MYH15: variants seen among roughly 807,000 people sequenced by gnomAD.
The protein encoded by MYH15 is myosin heavy chain 15.
In MYH15, 227 loss-of-function variants were observed where a neutral mutation model predicts 240.5. The ratio of observed to expected loss-of-function variants is 0.94; its 90% confidence interval spans 0.85 to 1.05. The LOEUF is 1.05. MYH15 is among the 50% of genes least tolerant of loss of function. The probability of loss-of-function intolerance (pLI) is 0.00; values close to 1 mark genes in which losing one functional copy is unlikely to be tolerated. For missense variants in MYH15, 2,217 were observed against 2,247.5 expected (o/e 0.99, Z 0.27); for synonymous variants, 785 against 796.7 (o/e 0.99, Z 0.25).
intron 22 of MYH15, among the ~76,000 whole-genome samples, chr3:108,443,322 T>C (rs1163768040): frequency 1.3e-5 from 2 of 152,198 alleles, no homozygotes; most frequent in Admixed American, 1.3e-4. Context: ...CCTGTTGGCA[T>C]GCTGGTAGAT....
the MYH15 span, among the ~76,000 whole-genome samples, chr3:108,538,738 T>C: frequency 1.3e-5 from 2 of 152,190 alleles, no homozygotes; most frequent in African/African-American, 4.8e-5. Flanking sequence ...GTTTATCAAG[T>C]TGGCTGGTTG....
At chr3:108,386,397 G>A (rs1026620678) in intron 38 of MYH15, among the ~76,000 whole-genome samples, 3 of 152,128 alleles carry the variant, frequency 2.0e-5, no homozygotes, top group Non-Finnish European at 4.4e-5. Flanking sequence ...ATTCAGCTGT[G>A]AGAAGTGCAG....
intron 22 of MYH15, 26 bp from the exon 23 acceptor site, chr3:108,441,286 G>T (rs368732414): frequency 1.1e-5 from 17 of 1,611,068 alleles, no homozygotes; most frequent in African/African-American, 1.3e-5. Context: ...GAAAATTGTT[G>T]CCAACAGCTG....
At chr3:108,417,170 A>T (rs34951860) in intron 28 of MYH15, among the ~76,000 whole-genome samples, 12,554 of 152,168 alleles carry the variant, frequency 0.083, 566 homozygotes, top group Middle Eastern at 0.099. Flanking sequence ...ATAACAGATG[A>T]TATTAGTTAC....
chr3:108,465,385 C>T (rs2083106196), intron 14 of MYH15, among the ~76,000 whole-genome samples: 2 of 152,196 alleles, frequency 1.3e-5, no homozygotes, highest in Non-Finnish European at 2.9e-5. Context: ...TGACGGAACA[C>T]ATTTTAAGAG....
At chr3:108,493,621 A>C (rs1444555801) in intron 7 of MYH15, among the ~76,000 whole-genome samples, 3 of 152,200 alleles carry the variant, frequency 2.0e-5, no homozygotes, top group African/African-American at 7.2e-5. Flanking sequence ...ATACCGCACA[A>C]AAAAAATAGA....
At chr3:108,469,729 G>C (rs1353703758) in intron 14 of MYH15, among the ~76,000 whole-genome samples, 1 of 152,212 alleles carries the variant, frequency 6.6e-6, no homozygotes, top group Non-Finnish European at 1.5e-5. Context: ...TTAGCTCTGT[G>C]TTTTTCCAGT....
intron 9 of MYH15, among the ~76,000 whole-genome samples, chr3:108,487,802 G>A (rs545798269): frequency 6.6e-6 from 1 of 152,236 alleles, no homozygotes; most frequent in African/African-American, 2.4e-5. Flanking sequence ...TGTACTTTAG[G>A]TGAAAAGAAC....
In MYH15 at chr3:108,470,845, T is replaced by C. The variant is rs771457016; in HGVS notation, c.1236A>G (p.Val412=). 12 of 1,613,208 alleles carry C rather than the reference T, an allele frequency of 7.4e-6. No homozygotes were observed. In the East Asian group the frequency reaches 2.5e-4, roughly 33 times the overall value. ...TGGACAGGGCACCGACAGCACAGGTTACCTAGAAATCACATTGAAAACACT... is the reference window on the plus strand; with the variant it reads ...TGGACAGGGCACCGACAGCACAGGTCACCTAGAAATCACATTGAAAACACT... ...YVTRGQTIEQ[V]TCAVGALSKS... The change falls in exon 13 of 41, where the codon GTA becomes GTG. Residue 412 remains valine (V), a splice_region_variant and synonymous_variant. Coordinates refer to ENST00000693548, the MANE Select transcript of MYH15 (RefSeq NM_014981.3).
Position 108,485,111 on chromosome 3 carries a change from A to T in MYH15, c.1094T>A (p.Leu365Gln). 5 of 1,614,110 alleles carry T rather than the reference A, an allele frequency of 3.1e-6. No individual in the cohort carries two copies. Among genetic ancestry groups the T allele is most frequent in the Non-Finnish European group, 8.5e-7 (1 of 1,179,970 alleles). Residue 365 changes from leucine (L) to glutamine (Q), a missense_variant, in exon 11 of 41, where the codon CTG becomes CAG. By Grantham distance (113) the Leu-to-Gln change is moderately radical. Transcript: ENST00000693548. ...CTTACTTTCTGTGCCATCTGCTTCC[A>T]GTTGCTCTTCTCTAGGTTTCTGTTT... ...KFKQKPREEQ[L>Q]EADGTENADK...
At chr3:108,473,194 A>C (rs1447201693) in intron 12 of MYH15, among the ~76,000 whole-genome samples, 3 of 152,074 alleles carry the variant, frequency 2.0e-5, no homozygotes, top group Non-Finnish European at 2.9e-5. Context: ...TTTTTAGTAG[A>C]GACAAGGTTT....
In MYH15 at chr3:108,501,785, G is replaced by A. The variant is rs1020830997; in HGVS notation, c.266C>T (p.Ala89Val). The A allele has an allele frequency of 1.3e-5, 21 of 1,613,942 alleles. No individual in the cohort carries two copies. Among genetic ancestry groups the A allele is most frequent in the African/African-American group, 4.0e-5 (3 of 74,896 alleles). The change falls in exon 3 of 41, where the codon GCA (alanine) becomes GTA (valine). Residue 89 changes from alanine (A) to valine (V), a missense_variant. Ala to Val is a moderately conservative substitution (Grantham distance 64). Transcript: ENST00000693548. The part of the protein sequence containing the change: ...PPEFEMIEDM[A>V]MLTHLNEASV... ...TGCCTCATTGAGGTGAGTCAGCATT[G>A]CCATGTCTTCAATCATTTCAAACTC...
chr3:108,480,242 G>A (rs879343786), intron 11 of MYH15, among the ~76,000 whole-genome samples: 1 of 152,160 alleles, frequency 6.6e-6, no homozygotes, highest in Non-Finnish European at 1.5e-5. Context: ...AGGATGACAA[G>A]AGTTTTTGTA....
intron 14 of MYH15, 107 bp downstream of exon 14, chr3:108,469,935 C>A: frequency 1.8e-6 from 2 of 1,101,254 alleles, no homozygotes; most frequent in Non-Finnish European, 1.3e-6. Flanking sequence ...GCTTTCCGCC[C>A]CCATTTCCCA....
At chr3:108,535,337 G>A in the MYH15 span, among the ~76,000 whole-genome samples, 5 of 152,154 alleles carry the variant, frequency 3.3e-5, no homozygotes, top group Non-Finnish European at 5.9e-5. Flanking sequence ...CAGATTTGGT[G>A]TCTGATGAGG....
intron 14 of MYH15, among the ~76,000 whole-genome samples, chr3:108,468,307 T>C (rs2083139810): frequency 1.3e-5 from 2 of 152,242 alleles, no homozygotes; most frequent in African/African-American, 4.8e-5. Flanking sequence ...GAAACTTTTA[T>C]GTAATGAAAA....
At chr3:108,500,351 T>G in intron 3 of MYH15, 77 bp from the exon 4 acceptor site, 1 of 1,444,562 alleles carries the variant, frequency 6.9e-7, no homozygotes, top group South Asian at 1.4e-5. Flanking sequence ...CAGTGTCAAG[T>G]AATATTTGCT....
intron 33 of MYH15, 29 bp from the exon 34 acceptor site, chr3:108,399,296 G>T (rs1237786312): frequency 2.6e-6 from 4 of 1,543,662 alleles, no homozygotes; most frequent in Non-Finnish European, 3.6e-6. Context: ...TGGAGTGGGG[G>T]AAATGACACA....
intron 18 of MYH15, among the ~76,000 whole-genome samples, chr3:108,457,473 C>G (rs1207340537): frequency 6.6e-6 from 1 of 152,070 alleles, no homozygotes; most frequent in East Asian, 1.9e-4. Flanking sequence ...TCTCGTTCAT[C>G]AAAAGAAGCT....
Sources: gnomAD v4.1 joint callset for allele counts (sites outside exome capture counted in the v4.1 genomes callset) on GRCh38, gnomAD v4.1.1 for gene constraint, MANE v1.5 for transcripts, NCBI Gene and HGNC (gene_info 2026-07-23, HGNC 2026-07-21) for gene names.